The following STXBP5L variants were observed in gnomAD, a reference collection of about 807,000 sequenced individuals.
STXBP5L encodes the protein syntaxin-binding protein 5-like.
A neutral mutation model predicts 144.5 loss-of-function variants in STXBP5L; 65 were observed. That is an observed-to-expected ratio of 0.45 (90% confidence interval 0.37 to 0.55). The LOEUF is 0.55. Among genes scored for constraint, STXBP5L ranks in the 20% least tolerant of loss-of-function variants. The probability of loss-of-function intolerance (pLI) is 0.00; values close to 1 mark genes in which losing one functional copy is unlikely to be tolerated. For missense variants in STXBP5L, 1,298 were observed against 1,405.5 expected, an observed-to-expected ratio of 0.92 and a Z score of 1.22; for synonymous variants, 505 against 469.6, an observed-to-expected ratio of 1.08 and a Z score of -0.97.
intron 5 of STXBP5L, among the ~76,000 whole-genome samples, chr3:121,058,129 C>T (rs952458813): frequency 6.6e-6 from 1 of 152,158 alleles, no homozygotes; most frequent in South Asian, 2.1e-4. Flanking sequence ...CTCCCCTACA[C>T]CCCCATCACC....
At chr3:121,125,234 C>A (rs374563442) in intron 7 of STXBP5L, among the ~76,000 whole-genome samples, 5 of 151,938 alleles carry the variant, frequency 3.3e-5, no homozygotes, top group Non-Finnish European at 1.5e-5. Context: ...TTTGGGAGGA[C>A]GAGGTGGGTG....
At chr3:121,366,319 G>A (rs1369291532) in intron 20 of STXBP5L, among the ~76,000 whole-genome samples, 1 of 151,780 alleles carries the variant, frequency 6.6e-6, no homozygotes, top group Non-Finnish European at 1.5e-5. Context: ...CTTCTGTCTG[G>A]TTGGTCTATC....
intron 10 of STXBP5L, among the ~76,000 whole-genome samples, chr3:121,209,154 C>T (rs1224244012): frequency 2.0e-5 from 3 of 152,140 alleles, no homozygotes; most frequent in South Asian, 4.1e-4. Flanking sequence ...GCTACATTTT[C>T]GTTATCCAAT....
rs1310871131 is a variant in STXBP5L at position 121,420,153 on chromosome 3, G to A, written c.*1056G>A. Reference sequence around the variant, plus strand: ...CAAACCAAACTGGTCATTCTCTTTAGTGTGATTCAGTAAAATCTCAGTTAA... The same window carrying A: ...CAAACCAAACTGGTCATTCTCTTTAATGTGATTCAGTAAAATCTCAGTTAA... On this transcript the variant is annotated 3_prime_UTR_variant, in exon 27 of 27. Coordinates refer to ENST00000471454, the MANE Select transcript of STXBP5L (RefSeq NM_001308330.2). The A allele has an allele frequency of 3.9e-5, 6 of 152,242 alleles. No homozygotes were observed. In the East Asian group the frequency reaches 9.7e-4, roughly 24 times the overall value. 9.4% of individuals were successfully genotyped at this position (152,242 alleles called of 1,614,324 possible).
chr3:121,087,200 A>G (rs995396717), intron 5 of STXBP5L, among the ~76,000 whole-genome samples: 1 of 152,022 alleles, frequency 6.6e-6, no homozygotes, highest in African/African-American at 2.4e-5. Context: ...ATTAGATTCT[A>G]TAGGGTTATG....
At chr3:121,229,676 C>A (rs1338491521) in intron 11 of STXBP5L, among the ~76,000 whole-genome samples, 1 of 152,070 alleles carries the variant, frequency 6.6e-6, no homozygotes, top group Non-Finnish European at 1.5e-5. Context: ...TCACCTCAGC[C>A]CCCCAAGTAG....
chr3:120,913,010 A>G (rs1473515917), intron 2 of STXBP5L, among the ~76,000 whole-genome samples: 1 of 151,894 alleles, frequency 6.6e-6, no homozygotes, highest in Non-Finnish European at 1.5e-5. Flanking sequence ...TCATAATTCA[A>G]ACATCACCTC....
intron 3 of STXBP5L, among the ~76,000 whole-genome samples, chr3:120,986,593 ACTTT>A (rs904030966): frequency 6.6e-6 from 1 of 151,924 alleles, no homozygotes; most frequent in Non-Finnish European, 1.5e-5. Context: ...ATATGTAATT[ACTTT>A]CTTTGTCTCT....
chr3:121,322,855 CTGT>C (rs936070215), intron 20 of STXBP5L, among the ~76,000 whole-genome samples: 3 of 152,178 alleles, frequency 2.0e-5, no homozygotes, highest in Non-Finnish European at 2.9e-5. Context: ...TCACCAGCAT[CTGT>C]TGTTTGTTGA....
chr3:121,359,602 C>A (rs1156376516), intron 20 of STXBP5L, among the ~76,000 whole-genome samples: 1 of 151,928 alleles, frequency 6.6e-6, no homozygotes, highest in African/African-American at 2.4e-5. Context: ...AGTCTTTAAT[C>A]CGTTTTGATT....
chr3:121,387,512 T>C (rs1302003320), intron 22 of STXBP5L, among the ~76,000 whole-genome samples: 2 of 152,214 alleles, frequency 1.3e-5, no homozygotes, highest in African/African-American at 4.8e-5. Context: ...TGCCTAGGTT[T>C]TCTTCTAGGG....
At chr3:121,408,935 A>G (rs1576370164) in intron 23 of STXBP5L, among the ~76,000 whole-genome samples, 1 of 152,032 alleles carries the variant, frequency 6.6e-6, no homozygotes, top group East Asian at 1.9e-4. Flanking sequence ...CGGTTATGTT[A>G]TTAGCATATA....
chr3:121,084,476 T>C (rs2042395324), intron 5 of STXBP5L, among the ~76,000 whole-genome samples: 1 of 152,190 alleles, frequency 6.6e-6, no homozygotes, highest in African/African-American at 2.4e-5. Context: ...TCTGTTCCTG[T>C]GATACATGGC....
chr3:120,920,871 C>A (rs939807530), intron 2 of STXBP5L, among the ~76,000 whole-genome samples: 24 of 151,752 alleles, frequency 1.6e-4, no homozygotes, highest in Non-Finnish European at 3.0e-4. Flanking sequence ...ACCATATTTT[C>A]TTTATCCATT....
In STXBP5L at chr3:121,039,857, T is replaced by C. The variant is rs78325089; in HGVS notation, c.288-1843T>C. ...CCCCTCAGTGATTTTTTTCTCTGTG[T>C]TATATTTTGGGTAGTTTTTATTGAC... On this transcript the variant is annotated intron_variant, in intron 3 of 26. Coordinates refer to ENST00000471454, the MANE Select transcript of STXBP5L (RefSeq NM_001308330.2). Among the ~76,000 whole-genome samples the C allele has an allele frequency of 5.2e-3, 784 of 152,058 alleles. 4 individuals are homozygous for C. The East Asian group carries it at 0.057, about 11-fold the overall frequency.
intron 20 of STXBP5L, among the ~76,000 whole-genome samples, chr3:121,364,179 A>G (rs1026463294): frequency 1.3e-5 from 2 of 152,180 alleles, no homozygotes; most frequent in Non-Finnish European, 2.9e-5. Context: ...TGCACCATCA[A>G]GTTTTACCTG....
intron 3 of STXBP5L, among the ~76,000 whole-genome samples, chr3:121,006,799 T>C (rs1944350295): frequency 6.6e-6 from 1 of 152,196 alleles, no homozygotes; most frequent in Non-Finnish European, 1.5e-5. Context: ...TTATTTCACC[T>C]TCACTTATAG....
intron 7 of STXBP5L, among the ~76,000 whole-genome samples, chr3:121,143,197 A>C (rs538371598): frequency 1.3e-5 from 2 of 151,684 alleles, no homozygotes; most frequent in Admixed American, 1.3e-4. Flanking sequence ...TAGAGATTGA[A>C]TTAGTAATGA....
chr3:121,253,810 C>CTTT (rs34678687), intron 15 of STXBP5L, among the ~76,000 whole-genome samples: 2 of 95,072 alleles, frequency 2.1e-5, no homozygotes, highest in Non-Finnish European at 3.8e-5. Flanking sequence ...TTTTTTTTTT[C>CTTT]TTTTTTTTTT....
Sources: gnomAD v4.1 joint callset for allele counts (sites outside exome capture counted in the v4.1 genomes callset) on GRCh38, gnomAD v4.1.1 for gene constraint, MANE v1.5 for transcripts, NCBI Gene and HGNC (gene_info 2026-07-23, HGNC 2026-07-21) for gene names.